CYTH1: variants seen among roughly 807,000 people sequenced by gnomAD.
CYTH1 encodes cytohesin-1.
Under a neutral mutation model 61.8 loss-of-function variants are expected in CYTH1, and 18 were observed. The observed-to-expected ratio is 0.29, with a 90% CI of 0.20 to 0.43. CYTH1 has a LOEUF of 0.43. Ranked by LOEUF, CYTH1 falls within the 20% of genes least tolerant of loss-of-function variation. The probability of loss-of-function intolerance (pLI) is 1.00; values close to 1 mark genes in which losing one functional copy is unlikely to be tolerated. For missense variants in CYTH1, 336 were observed against 510.5 expected, an observed-to-expected ratio of 0.66 and a Z score of 3.29; for synonymous variants, 174 against 184.3, an observed-to-expected ratio of 0.94 and a Z score of 0.45.
chr17:78,744,644 G>A (rs1237626850), intron 1 of CYTH1, among the ~76,000 whole-genome samples: 1 of 151,878 alleles, frequency 6.6e-6, no homozygotes, highest in Non-Finnish European at 1.5e-5. Context: ...GACCTTGGGG[G>A]AAAAAAGAGT....
chr17:78,735,593 T>C (rs1473021099), intron 1 of CYTH1, among the ~76,000 whole-genome samples: 2 of 152,214 alleles, frequency 1.3e-5, no homozygotes, highest in African/African-American at 2.4e-5. Flanking sequence ...CCACGCGTGC[T>C]GCAGCTTTCA....
intron 7 of CYTH1, among the ~76,000 whole-genome samples, chr17:78,699,380 AC>A (rs1158834035): frequency 1.3e-5 from 2 of 152,002 alleles, no homozygotes; most frequent in Admixed American, 6.6e-5. Context: ...AAAAAAAAAA[AC>A]ATGTTCTCAA....
Position 78,698,909 on chromosome 17 carries a change from T to C in CYTH1, c.610A>G (p.Asn204Asp). 1.2e-6 allele frequency: 2 copies of C among 1,612,140 alleles called. No individual in the cohort carries two copies. The highest frequency in any genetic ancestry group is 1.7e-6 in the Non-Finnish European group (2 of 1,179,348). Residue 204 changes from asparagine (N) to aspartate (D), a missense_variant, in exon 8 of 14, where the codon AAT becomes GAT. This residue lies in a region of CYTH1 where 125 missense variants were observed against 209.9 expected (regional missense o/e 0.60). Transcript: ENST00000446868. ...IMLNTSLHNP[N>D]VKDKPTVERF... ...TCCACAGTGGGCTTATCTTTGACAT[T>C]GGGGTTGTGCAGACTGGTGTTCAAC...
chr17:78,774,871 C>G (rs1225342991), intron 1 of CYTH1, among the ~76,000 whole-genome samples: 4 of 152,146 alleles, frequency 2.6e-5, no homozygotes, highest in Non-Finnish European at 5.9e-5. Context: ...CAAGATTATG[C>G]CTGTGAGAAA....
intron 1 of CYTH1, among the ~76,000 whole-genome samples, chr17:78,740,766 A>G (rs1255572576): frequency 6.6e-6 from 1 of 152,248 alleles, no homozygotes; most frequent in Admixed American, 6.5e-5. Context: ...TAATAATTAC[A>G]TCAGGCAGTC....
intron 9 of CYTH1, 135 bp downstream of exon 9, chr17:78,698,134 C>G (rs1043976546): frequency 6.7e-6 from 5 of 751,664 alleles, no homozygotes; most frequent in Non-Finnish European, 1.2e-5. Flanking sequence ...CATGCGCGTG[C>G]ACACACACGC....
At chr17:78,715,760 G>A (rs2093175558) in intron 1 of CYTH1, among the ~76,000 whole-genome samples, 1 of 152,212 alleles carries the variant, frequency 6.6e-6, no homozygotes, top group South Asian at 2.1e-4. Flanking sequence ...GTGGGCACCT[G>A]GCTCTACGGT....
chr17:78,749,430 A>G (rs997046585), intron 1 of CYTH1, among the ~76,000 whole-genome samples: 13 of 152,182 alleles, frequency 8.5e-5, no homozygotes, highest in Admixed American at 7.2e-4. Context: ...ATTGCACCCC[A>G]GTCTGGGTGA....
chr17:78,777,412 C>T lies in CYTH1; in HGVS notation c.22+4790G>A, dbSNP rs560892518. Among the ~76,000 whole-genome samples, 25 of 151,792 alleles carry T rather than the reference C, an allele frequency of 1.6e-4. No individual in the cohort carries two copies. In the East Asian group the frequency reaches 1.9e-3, roughly 12 times the overall value. On this transcript the variant is annotated intron_variant, in intron 1 of 13. Coordinates refer to ENST00000446868, the MANE Select transcript of CYTH1 (RefSeq NM_004762.6). ...TAGCCTGGGCAACAGAGCAAGACTCCGTCTCAAAAATAAATAAATAAAAAT... is the reference window on the plus strand; with the variant it reads ...TAGCCTGGGCAACAGAGCAAGACTCTGTCTCAAAAATAAATAAATAAAAAT...
At chr17:78,739,946 T>C (rs926553910) in intron 1 of CYTH1, among the ~76,000 whole-genome samples, 2 of 152,100 alleles carry the variant, frequency 1.3e-5, no homozygotes, top group African/African-American at 4.8e-5. Flanking sequence ...CTTTTCTTTT[T>C]TTTTTCTGAG....
chr17:78,763,670 T>C (rs1212997728), intron 1 of CYTH1, among the ~76,000 whole-genome samples: 1 of 152,190 alleles, frequency 6.6e-6, no homozygotes, highest in Non-Finnish European at 1.5e-5. Context: ...GAATGTAGTC[T>C]CTCAAAATAT....
intron 10 of CYTH1, among the ~76,000 whole-genome samples, chr17:78,693,202 T>G (rs1353358079): frequency 6.6e-6 from 1 of 152,172 alleles, no homozygotes; most frequent in African/African-American, 2.4e-5. Flanking sequence ...CGTTCTGGGC[T>G]TCTCACCTGG....
intron 1 of CYTH1, among the ~76,000 whole-genome samples, chr17:78,759,741 T>C (rs2093414839): frequency 6.6e-6 from 1 of 152,174 alleles, no homozygotes; most frequent in Non-Finnish European, 1.5e-5. Flanking sequence ...CACTCAGCCA[T>C]CCCTTCCTAC....
chr17:78,711,189 G>C (rs913062270), intron 1 of CYTH1, among the ~76,000 whole-genome samples: 2 of 151,608 alleles, frequency 1.3e-5, no homozygotes, highest in African/African-American at 4.9e-5. Context: ...GTAAACCCGG[G>C]AGGTGGAGGT....
At chr17:78,680,432 C>CGGGGATATAAAGCTCAAAGCAG in intron 12 of CYTH1, 88 bp from the exon 13 acceptor site, 1 of 1,383,946 alleles carries the variant, frequency 7.2e-7, no homozygotes, top group East Asian at 2.4e-5. Flanking sequence ...AAACCCCTTT[C>CGGGGATATAAAGCTCAAAGCAG]TTCTGACCTT....
chr17:78,680,953 C>G lies in CYTH1; in HGVS notation c.963+18G>C, dbSNP rs907521468. On this transcript the variant is annotated intron_variant, in intron 12 of 13. Transcript: ENST00000446868. ...CATCCCCTTTCTCCCCTCAAAATAT[C>G]TCAGCAAAAATACTCACTGGTTTTT... 3 of 1,613,270 alleles carry G rather than the reference C, an allele frequency of 1.9e-6. No individual in the cohort carries two copies. Among genetic ancestry groups the G allele is most frequent in the Non-Finnish European group, 2.5e-6 (3 of 1,179,638 alleles).
chr17:78,736,918 C>G (rs1598896974), intron 1 of CYTH1: 1 of 158,832 alleles, frequency 6.3e-6, no homozygotes, highest in South Asian at 1.3e-4. Context: ...GGCCAATCAA[C>G]CTCCAGCCTC....
At chr17:78,737,354 T>C (rs950716246) in intron 1 of CYTH1, among the ~76,000 whole-genome samples, 4 of 152,200 alleles carry the variant, frequency 2.6e-5, no homozygotes, top group African/African-American at 9.6e-5. Context: ...AAGAAAAAAG[T>C]CTGTATGTAT....
chr17:78,678,502 T>C (rs1009947606), intron 13 of CYTH1: 3 of 152,226 alleles, frequency 2.0e-5, no homozygotes, highest in Admixed American at 6.5e-5. Flanking sequence ...TATTCATTCA[T>C]GAGAACAAAC....
Sources: gnomAD v4.1 joint callset for allele counts (sites outside exome capture counted in the v4.1 genomes callset) on GRCh38, gnomAD v4.1.1 for gene constraint, gnomAD v4.1.1 regional missense constraint, MANE v1.5 for transcripts, NCBI Gene and HGNC (gene_info 2026-07-23, HGNC 2026-07-21) for gene names.